Variants in CSMD1 observed in about 807,000 individuals in gnomAD.
The protein encoded by CSMD1 is CUB and sushi domain-containing protein 1.
CSMD1 carries 213 observed loss-of-function variants against 417.5 expected under a neutral mutation model. The observed-to-expected ratio is 0.51, with a 90% CI of 0.46 to 0.57. The LOEUF (loss-of-function observed/expected upper bound fraction) is 0.57. Among genes scored for constraint, CSMD1 ranks in the 20% least tolerant of loss-of-function variants. The pLI, the probability that CSMD1 is intolerant of heterozygous loss-of-function variation, is 0.00. For synonymous variants in CSMD1, 2,862 were observed against 1,736.8 expected, an observed-to-expected ratio of 1.65 and a Z score of -16.11; for missense variants, 6,923 against 4,529.7, an observed-to-expected ratio of 1.53 and a Z score of -15.17.
intron 11 of CSMD1, among the ~76,000 whole-genome samples, chr8:3,473,520 T>A (rs1268431414): frequency 6.6e-6 from 1 of 152,208 alleles, no homozygotes; most frequent in African/African-American, 2.4e-5. Flanking sequence ...TTTGGCTTGC[T>A]AACACTGAGA....
At chr8:4,247,737 T>C (rs999143129) in intron 3 of CSMD1, among the ~76,000 whole-genome samples, 13 of 152,288 alleles carry the variant, frequency 8.5e-5, no homozygotes, top group African/African-American at 3.1e-4. Flanking sequence ...TGAAAATGTA[T>C]CATCAACTGC....
rs1801432983 is a variant in CSMD1 at position 2,935,997 on chromosome 8, C to T, written c.*2588G>A. 6.6e-6 allele frequency: 1 copy of T among 152,248 alleles called. No individual in the cohort carries two copies. The highest frequency in any genetic ancestry group is 2.1e-4 in the South Asian group (1 of 4,838). The allele number at this position is 152,248 out of a possible 1,614,324, so 9.4% of individuals were successfully genotyped here. On this transcript the variant is annotated 3_prime_UTR_variant, in exon 70 of 70. Coordinates refer to ENST00000635120, the MANE Select transcript of CSMD1 (RefSeq NM_033225.6). ...TCAGGGAAGAGTCTTCTAGACCTAA[C>T]TCAGCAAGCACAGCTCCTGACTGCC...
At chr8:3,721,414 G>C (rs1442481933) in intron 6 of CSMD1, among the ~76,000 whole-genome samples, 1 of 152,096 alleles carries the variant, frequency 6.6e-6, no homozygotes, top group Non-Finnish European at 1.5e-5. Flanking sequence ...CCATGTTTCT[G>C]ATTCCTCAGA....
Position 2,942,543 on chromosome 8 carries a change from C to T in CSMD1, c.10464G>A (p.Val3488=), listed in dbSNP as rs1026855782. The T allele has an allele frequency of 6.2e-7, 1 of 1,610,156 alleles. No individual in the cohort carries two copies. Among genetic ancestry groups the T allele is most frequent in the Non-Finnish European group, 8.5e-7 (1 of 1,177,918 alleles). The part of the protein sequence containing the change: ...SHYHGTSSGS[V]AAAILVPFFA... The stretch of plus-strand genomic sequence containing the variant: ...AGAAAGGAACCAGAATGGCAGCCGC[C>T]ACAGAGCCACTGCTGGTGCCGTGGT... The change falls in exon 69 of 70, where the codon GTG becomes GTA. Residue 3488 remains valine (V), a synonymous_variant. Coordinates refer to ENST00000635120, the MANE Select transcript of CSMD1 (RefSeq NM_033225.6).
In CSMD1 at chr8:3,869,324, A is replaced by G. The variant is rs532534099; in HGVS notation, c.819-115282T>C. ...TGCTTCATTTCTCTCCATGGCATGT[A>G]TCACCTGTGGCTATACTATATCCTG... On this transcript the variant is annotated intron_variant, in intron 5 of 69. Coordinates refer to ENST00000635120, the MANE Select transcript of CSMD1 (RefSeq NM_033225.6). 1.8e-3 allele frequency among the ~76,000 whole-genome samples: 278 copies of G among 152,294 alleles called. 1 individual carries two copies. The highest frequency in any genetic ancestry group is 1.7e-3 in the Non-Finnish European group (115 of 68,034).
chr8:3,282,221 A>T (rs1802792754), intron 26 of CSMD1, among the ~76,000 whole-genome samples: 1 of 152,190 alleles, frequency 6.6e-6, no homozygotes, highest in African/African-American at 2.4e-5. Context: ...TCGGCTGATA[A>T]TGATGGGTCA....
At chr8:4,682,306 C>T (rs1415977599) in intron 1 of CSMD1, among the ~76,000 whole-genome samples, 1 of 152,152 alleles carries the variant, frequency 6.6e-6, no homozygotes, top group Non-Finnish European at 1.5e-5. Context: ...TCTAGGAATA[C>T]AAGCACAAGC....
intron 12 of CSMD1, among the ~76,000 whole-genome samples, chr8:3,457,822 TC>T (rs2117136891): frequency 6.6e-6 from 1 of 152,308 alleles, no homozygotes; most frequent in Admixed American, 6.5e-5. Context: ...CCTTGTTGTA[TC>T]CGATGCAGGG....
At chr8:4,454,862 A>C (rs574609959) in intron 2 of CSMD1, among the ~76,000 whole-genome samples, 59 of 152,220 alleles carry the variant, frequency 3.9e-4, no homozygotes, top group Non-Finnish European at 6.8e-4. Context: ...AGTTTTAAAG[A>C]AACTTAATCT....
At chr8:2,940,058 C>A (rs774985759) in intron 69 of CSMD1, among the ~76,000 whole-genome samples, 6 of 152,188 alleles carry the variant, frequency 3.9e-5, no homozygotes, top group African/African-American at 9.7e-5. Flanking sequence ...AAGCAACAGA[C>A]TCAGAAATGA....
chr8:4,912,606 A>T (rs1053007221), intron 1 of CSMD1, among the ~76,000 whole-genome samples: 10 of 152,146 alleles, frequency 6.6e-5, no homozygotes, highest in Non-Finnish European at 4.4e-5. Flanking sequence ...TTCCTATTTT[A>T]GCTCAAGTTT....
intron 10 of CSMD1, among the ~76,000 whole-genome samples, chr8:3,566,287 G>C (rs995874432): frequency 6.6e-6 from 1 of 152,078 alleles, no homozygotes; most frequent in African/African-American, 2.4e-5. Context: ...AGAAGGTGGA[G>C]GACTTAGTAT....
At chr8:3,665,446 T>C (rs1241717068) in intron 7 of CSMD1, among the ~76,000 whole-genome samples, 2 of 152,160 alleles carry the variant, frequency 1.3e-5, no homozygotes, top group East Asian at 3.9e-4. Flanking sequence ...CAAGAATTGC[T>C]TGAACCCGGG....
At chr8:4,717,844 T>C (rs974738142) in intron 1 of CSMD1, among the ~76,000 whole-genome samples, 2 of 152,178 alleles carry the variant, frequency 1.3e-5, no homozygotes, top group African/African-American at 4.8e-5. Context: ...TCTCTTCACA[T>C]TAAGTCCAAG....
intron 2 of CSMD1, among the ~76,000 whole-genome samples, chr8:4,568,140 G>T (rs1248293291): frequency 1.3e-5 from 2 of 152,132 alleles, no homozygotes; most frequent in Non-Finnish European, 2.9e-5. Context: ...GATGCTTTGT[G>T]TGTCTTTTTA....
At chr8:4,920,604 C>T (rs1806373256) in intron 1 of CSMD1, among the ~76,000 whole-genome samples, 1 of 151,950 alleles carries the variant, frequency 6.6e-6, no homozygotes, top group South Asian at 2.1e-4. Flanking sequence ...GGTGGATCAC[C>T]TGAAGTCAGG....
At chr8:3,875,260 A>G (rs1805740111) in intron 5 of CSMD1, among the ~76,000 whole-genome samples, 1 of 152,140 alleles carries the variant, frequency 6.6e-6, no homozygotes, top group South Asian at 2.1e-4. Context: ...CATAGCTGAG[A>G]AGAAGGATAA....
intron 5 of CSMD1, among the ~76,000 whole-genome samples, chr8:3,988,151 G>A (rs13252223): frequency 1.9e-3 from 290 of 152,012 alleles, no homozygotes; most frequent in Non-Finnish European, 3.2e-3. Context: ...TGGGCAGTTG[G>A]GCTGGTTCAG....
intron 1 of CSMD1, among the ~76,000 whole-genome samples, chr8:4,720,855 G>A (rs951477910): frequency 1.3e-5 from 2 of 152,136 alleles, no homozygotes; most frequent in East Asian, 1.9e-4. Context: ...GAAGCCAAGG[G>A]AAAACCAAGA....
Sources: allele counts gnomAD v4.1 joint callset (sites outside exome capture counted in the v4.1 genomes callset), GRCh38; gene constraint gnomAD v4.1.1; transcripts MANE v1.5; gene names NCBI Gene and HGNC (gene_info 2026-07-23, HGNC 2026-07-21).